The following SLC39A10 variants were observed in gnomAD, a reference collection of about 807,000 sequenced individuals.
SLC39A10 encodes solute carrier family 39 member 10.
A neutral mutation model predicts 65.1 loss-of-function variants in SLC39A10; 13 were observed. The ratio of observed to expected loss-of-function variants is 0.20; its 90% CI spans 0.13 to 0.32. SLC39A10 has a LOEUF of 0.32. Among genes scored for constraint, SLC39A10 ranks in the 10% least tolerant of loss-of-function variants. The probability of loss-of-function intolerance (pLI) is 1.00; values close to 1 mark genes in which losing one functional copy is unlikely to be tolerated. For synonymous variants in SLC39A10, 321 were observed against 342.2 expected, an observed-to-expected ratio of 0.94 and a Z score of 0.68; for missense variants, 831 against 1,018.4, an observed-to-expected ratio of 0.82 and a Z score of 2.50.
At chr2:195,630,767 A>T (rs1234621757) in intron 2 of SLC39A10, among the ~76,000 whole-genome samples, 1 of 152,272 alleles carries the variant, frequency 6.6e-6, no homozygotes, top group African/African-American at 2.4e-5. Flanking sequence ...TACTGGAAGA[A>T]CTGAACTGGT....
intron 3 of SLC39A10, among the ~76,000 whole-genome samples, chr2:195,689,578 A>G (rs1366632972): frequency 6.6e-6 from 1 of 152,122 alleles, no homozygotes; most frequent in Non-Finnish European, 1.5e-5. Context: ...AAAATTTGTC[A>G]TTTTAACCAT....
At chr2:195,666,173 A>C (rs1018225423) in intron 1 of SLC39A10, among the ~76,000 whole-genome samples, 1 of 152,208 alleles carries the variant, frequency 6.6e-6, no homozygotes, top group African/African-American at 2.4e-5. Flanking sequence ...TAAAAAATTA[A>C]TTGGACAGAA....
intron 2 of SLC39A10, among the ~76,000 whole-genome samples, chr2:195,617,709 C>A (rs9711327): frequency 0.63 from 90,233 of 143,010 alleles, 28,240 homozygotes; most frequent in Non-Finnish European, 0.66. Flanking sequence ...TGTTTCTTTT[C>A]TTTTCTTTTC....
Position 195,708,804 on chromosome 2 carries a change from A to T in SLC39A10, c.1535A>T (p.Glu512Val). 1 of 1,612,770 alleles carries T rather than the reference A, an allele frequency of 6.2e-7. No homozygotes were observed. The highest frequency in any genetic ancestry group is 8.5e-7 in the Non-Finnish European group (1 of 1,179,454). The change falls in exon 5 of 10, where the codon GAA (glutamate) becomes GTA (valine). Residue 512 changes from glutamate (E) to valine (V), a missense_variant. Coordinates refer to ENST00000359634, the MANE Select transcript of SLC39A10 (RefSeq NM_020342.3). The stretch of plus-strand genomic sequence containing the variant: ...GGCATTTACTTGCTATTTATCATTG[A>T]ACACTGCATTAGAATGTTTAAGCAC... ...LGGIYLLFII[E>V]HCIRMFKHYK...
At chr2:195,714,238 A>G (rs1691706891) in intron 6 of SLC39A10, among the ~76,000 whole-genome samples, 1 of 152,034 alleles carries the variant, frequency 6.6e-6, no homozygotes, top group South Asian at 2.1e-4. Flanking sequence ...GCCGACAAAT[A>G]CTTTTATGAT....
intron 2 of SLC39A10, among the ~76,000 whole-genome samples, chr2:195,647,781 A>G (rs1307008139): frequency 2.0e-5 from 3 of 152,076 alleles, no homozygotes; most frequent in African/African-American, 7.2e-5. Context: ...TCAGTTACTT[A>G]TCAGAGTGGC....
Position 195,728,059 on chromosome 2 carries a change from G to C in SLC39A10, c.2147-100G>C, listed in dbSNP as rs886151059. 2.9e-6 allele frequency: 3 copies of C among 1,037,524 alleles called. No homozygotes were observed. In the Admixed American group the frequency reaches 7.3e-5, roughly 25 times the overall value. 64.3% of individuals were successfully genotyped at this position (1,037,524 alleles called of 1,614,324 possible). On this transcript the variant is annotated intron_variant, in intron 8 of 9. Coordinates refer to ENST00000359634, the MANE Select transcript of SLC39A10 (RefSeq NM_020342.3). The surrounding 1 kb of genome is among the most constrained non-coding windows in gnomAD (Gnocchi z 4.4). ...ATCACATAAAATACTGTTATTAAAA[G>C]TGTGTATCTTTTTAATGCTGATTTT...
At chr2:195,630,459 T>A (rs898462895) in intron 2 of SLC39A10, among the ~76,000 whole-genome samples, 1 of 152,122 alleles carries the variant, frequency 6.6e-6, no homozygotes, top group Admixed American at 6.5e-5. Flanking sequence ...GTCCTCTTGG[T>A]TTTTCAGAGA....
intron 6 of SLC39A10, among the ~76,000 whole-genome samples, chr2:195,714,924 T>G (rs192071796): frequency 2.6e-4 from 40 of 152,018 alleles, no homozygotes; most frequent in Non-Finnish European, 4.6e-4. Flanking sequence ...GTCTAATTTT[T>G]TGTGTTTTTA....
upstream of SLC39A10, among the ~76,000 whole-genome samples, chr2:195,652,827 G>A (rs1689068673): frequency 6.6e-6 from 1 of 152,200 alleles, no homozygotes; most frequent in Non-Finnish European, 1.5e-5. Context: ...AGCAGGAGGT[G>A]AGTGTCAGGC....
chr2:195,650,045 C>T (rs1688997832), intron 2 of SLC39A10, among the ~76,000 whole-genome samples: 1 of 152,074 alleles, frequency 6.6e-6, no homozygotes, highest in Non-Finnish European at 1.5e-5. Flanking sequence ...AGCAATTTCC[C>T]TCCAAGTTCT....
At chr2:195,617,004 C>T (rs893352882) in intron 2 of SLC39A10, among the ~76,000 whole-genome samples, 1 of 152,124 alleles carries the variant, frequency 6.6e-6, no homozygotes, top group Non-Finnish European at 1.5e-5. Flanking sequence ...TTGTCTTATA[C>T]GAAGTTTTGC....
chr2:195,634,456 G>A (rs1228108950), intron 2 of SLC39A10, among the ~76,000 whole-genome samples: 1 of 151,906 alleles, frequency 6.6e-6, no homozygotes, highest in Non-Finnish European at 1.5e-5. Context: ...TGTTTTAGTT[G>A]TTCAACTTGA....
intron 8 of SLC39A10, among the ~76,000 whole-genome samples, chr2:195,726,727 T>C (rs1401836494): frequency 2.0e-5 from 3 of 152,206 alleles, no homozygotes; most frequent in African/African-American, 7.2e-5. Context: ...GTAATTTCTT[T>C]ATTGTTAACT....
intron 1 of SLC39A10, among the ~76,000 whole-genome samples, chr2:195,659,855 C>T (rs756028015): frequency 8.5e-5 from 13 of 152,108 alleles, no homozygotes; most frequent in Non-Finnish European, 1.9e-4. Context: ...TTCTTTTTCT[C>T]CCTCCACTCC....
intron 3 of SLC39A10, among the ~76,000 whole-genome samples, chr2:195,697,625 C>T (rs543582818): frequency 1.3e-5 from 2 of 152,138 alleles, no homozygotes; most frequent in Admixed American, 6.5e-5. Context: ...TTGTTCCCCT[C>T]ATAGAGGGGA....
At chr2:195,666,328 T>A (rs1689635206) in intron 1 of SLC39A10, among the ~76,000 whole-genome samples, 1 of 152,160 alleles carries the variant, frequency 6.6e-6, no homozygotes, top group Non-Finnish European at 1.5e-5. Flanking sequence ...GCTGGCAGTT[T>A]TTACAATGGC....
Position 195,680,018 on chromosome 2 carries a change from T to C in SLC39A10, c.-11-14T>C, listed in dbSNP as rs754035096. 7.1e-6 allele frequency: 11 copies of C among 1,556,640 alleles called. No individual in the cohort carries two copies. The highest frequency in any genetic ancestry group is 3.5e-4 in the Middle Eastern group (2 of 5,762). The stretch of plus-strand genomic sequence containing the variant: ...TAGAAACTAATACTTGTCTCTCTCT[T>C]TAAATCTCTTTAGGAAAAATAGAAA... On this transcript the variant is annotated splice_polypyrimidine_tract_variant and intron_variant, in intron 1 of 9. Coordinates refer to ENST00000359634, the MANE Select transcript of SLC39A10 (RefSeq NM_020342.3).
intron 2 of SLC39A10, among the ~76,000 whole-genome samples, chr2:195,645,567 A>C (rs1317405054): frequency 3.3e-5 from 5 of 152,188 alleles, no homozygotes; most frequent in Admixed American, 3.3e-4. Context: ...GCTACCAATT[A>C]AACATTAACT....
Sources: gnomAD v4.1 joint callset for allele counts (sites outside exome capture counted in the v4.1 genomes callset) on GRCh38, gnomAD v4.1.1 for gene constraint, Gnocchi (gnomAD v3.1) non-coding constraint, MANE v1.5 for transcripts, NCBI Gene and HGNC (gene_info 2026-07-23, HGNC 2026-07-21) for gene names.